SEZ6L2: variants seen among roughly 807,000 people sequenced by gnomAD.
SEZ6L2 encodes the protein seizure 6-like protein 2.
In SEZ6L2, 44 loss-of-function variants were observed where a neutral mutation model predicts 97.0. The ratio of observed to expected loss-of-function variants is 0.45; its 90% CI spans 0.36 to 0.58. The LOEUF is 0.58. SEZ6L2 is among the 20% of genes least tolerant of loss of function. The probability of loss-of-function intolerance (pLI) is 0.00; values close to 1 mark genes in which losing one functional copy is unlikely to be tolerated. For missense variants in SEZ6L2, 1,086 were observed against 1,233.3 expected, an observed-to-expected ratio of 0.88 and a Z score of 1.79; for synonymous variants, 543 against 546.1, an observed-to-expected ratio of 0.99 and a Z score of 0.08.
intron 8 of SEZ6L2, among the ~76,000 whole-genome samples, chr16:29,882,738 C>T (rs1023432370): frequency 6.6e-6 from 1 of 152,092 alleles, no homozygotes; most frequent in Non-Finnish European, 1.5e-5. Flanking sequence ...CAAGTGTGCA[C>T]CACCACACCT....
At position 29,898,025 on chromosome 16, in the gene SEZ6L2, C is replaced by T. The variant is rs372297362; in HGVS notation, c.80-41G>A. 2.4e-5 allele frequency: 39 copies of T among 1,608,696 alleles called. No individual in the cohort carries two copies. In the African/African-American group the frequency reaches 4.4e-4, roughly 18 times the overall value. On this transcript the variant is annotated intron_variant, in intron 1 of 17. Transcript: ENST00000617533. Reference sequence around the variant, plus strand: ...GTGTGAGCTTCTCCACTTCCCCACACCCCTTCCTTCTCCAGAGAGATATTT... The same window carrying T: ...GTGTGAGCTTCTCCACTTCCCCACATCCCTTCCTTCTCCAGAGAGATATTT...
intron 5 of SEZ6L2, 103 bp from the exon 6 acceptor site, chr16:29,888,828 G>A: frequency 1.9e-6 from 2 of 1,039,816 alleles, no homozygotes; most frequent in African/African-American, 3.2e-5. Flanking sequence ...CAACCTTCCA[G>A]GGGCACACAC....
At chr16:29,895,560 A>T (rs2068367358) in intron 4 of SEZ6L2, 100 bp from the exon 5 acceptor site, 1 of 1,427,860 alleles carries the variant, frequency 7.0e-7, no homozygotes, top group Admixed American at 2.1e-5. Flanking sequence ...GCAGCCCAAA[A>T]GGCACCACGC....
chr16:29,891,052 C>T (rs918636450), intron 5 of SEZ6L2, among the ~76,000 whole-genome samples: 18 of 152,038 alleles, frequency 1.2e-4, no homozygotes, highest in African/African-American at 2.9e-4. Context: ...AGCAATTCTC[C>T]GGCCTCAGCC....
rs756893489 is a variant in SEZ6L2, at chr16:29,872,400, G to A, written c.2645+9C>T. The stretch of plus-strand genomic sequence containing the variant: ...GCCCTGGCCGGCAGTCCCCAAGCAG[G>A]CTACTTACTTGGTGTAGTAGATGTA... On this transcript the variant is annotated intron_variant, in intron 16 of 17. Coordinates refer to ENST00000617533, the MANE Select transcript of SEZ6L2 (RefSeq NM_001243332.2). 5 of 1,613,000 alleles carry A rather than the reference G, an allele frequency of 3.1e-6. No individual in the cohort carries two copies. The highest frequency in any genetic ancestry group is 2.2e-5 in the East Asian group (1 of 44,886).
At position 29,873,419 on chromosome 16, in the gene SEZ6L2, G is replaced by A. The variant is rs764328367; in HGVS notation, c.2309C>T (p.Pro770Leu). 1.3e-5 allele frequency: 21 copies of A among 1,614,238 alleles called. No homozygotes were observed. The Admixed American group carries it at 1.8e-4, about 14-fold the overall frequency. Residue 770 changes from proline to leucine, a missense_variant, in exon 14 of 18, where the codon CCG (proline) becomes CTG (leucine). Pro to Leu is a moderately conservative substitution (Grantham distance 98). Transcript: ENST00000617533. The surrounding 1 kb of genome is among the most constrained non-coding windows in gnomAD (Gnocchi z 4.3). ...RVPKCALKYE[P>L]CLNPGVPENG... ...CTCGGGAACCCCCGGGTTCAGGCAC[G>A]GCTCGTACTTCACTGCGGGGAGCAT...
intron 1 of SEZ6L2, among the ~76,000 whole-genome samples, 195 bp from the exon 2 acceptor site, chr16:29,898,179 C>T (rs1015897543): frequency 3.3e-5 from 5 of 152,208 alleles, no homozygotes; most frequent in Non-Finnish European, 7.3e-5. Flanking sequence ...CACACCTCTT[C>T]TCTCCCCTCC....
chr16:29,872,745 T>C lies in SEZ6L2; in HGVS notation c.2489-2A>G, dbSNP rs747900991. On this transcript the variant is annotated splice_acceptor_variant, in intron 14 of 17. Transcript: ENST00000617533. LOFTEE classifies it high-confidence loss of function. ...TGTCCAGGAGCTCCTCATAGGCAAC[T>C]GCAGGGAGAGGAGGGGGAGGGGATG... 1 of 1,603,162 alleles carries C rather than the reference T, an allele frequency of 6.2e-7. No homozygotes were observed. The highest frequency in any genetic ancestry group is 1.1e-5 in the South Asian group (1 of 90,750).
Position 29,873,872 on chromosome 16 carries a change from T to C in SEZ6L2, c.2105-143A>G. On this transcript the variant is annotated intron_variant, in intron 12 of 17. Coordinates refer to ENST00000617533, the MANE Select transcript of SEZ6L2 (RefSeq NM_001243332.2). The surrounding 1 kb of genome is among the most constrained non-coding windows in gnomAD (Gnocchi z 4.3). ...TCCTGTGGTTCCAGCTACTCAGGAG[T>C]TGGAGGCGGGATGATCGCTCGAACC... 1 of 740,378 alleles carries C rather than the reference T, an allele frequency of 1.4e-6. No homozygotes were observed. The highest frequency in any genetic ancestry group is 2.1e-6 in the Non-Finnish European group (1 of 468,562). The allele number at this position is 740,378 out of a possible 1,614,324, so 45.9% of individuals were successfully genotyped here.
At chr16:29,897,818 C>T (rs1468789452) in intron 2 of SEZ6L2, 35 bp downstream of exon 2, 1 of 1,574,450 alleles carries the variant, frequency 6.4e-7, no homozygotes, top group Non-Finnish European at 8.6e-7. Context: ...CCTCCCTCTG[C>T]CTCTAGGCCA....
intron 9 of SEZ6L2, among the ~76,000 whole-genome samples, chr16:29,879,083 A>G (rs1401700952): frequency 6.7e-6 from 1 of 149,004 alleles, no homozygotes; most frequent in Non-Finnish European, 1.5e-5. Flanking sequence ...TTGTATTTTT[A>G]GTAGAGACGG....
chr16:29,875,747 C>T (rs537075142), intron 12 of SEZ6L2, among the ~76,000 whole-genome samples: 1 of 149,412 alleles, frequency 6.7e-6, no homozygotes, highest in South Asian at 2.1e-4. Flanking sequence ...ACTGCAACCT[C>T]CACCTCCCAG....
intron 5 of SEZ6L2, among the ~76,000 whole-genome samples, chr16:29,891,212 T>C (rs1165871570): frequency 6.6e-6 from 1 of 152,112 alleles, no homozygotes; most frequent in African/African-American, 2.4e-5. Context: ...AGTGCTGTGA[T>C]TACAGGCGTG....
At chr16:29,888,766 A>G (rs760418933) in intron 5 of SEZ6L2, 41 bp from the exon 6 acceptor site, 11 of 1,557,348 alleles carry the variant, frequency 7.1e-6, no homozygotes, top group Middle Eastern at 2.0e-4. Flanking sequence ...TCACTTTCCC[A>G]TGCCACCCTC....
rs1297317673 is a variant in SEZ6L2, at chr16:29,877,427, C to T, written c.1753G>A (p.Gly585Arg). Reference protein sequence around the residue: ...REGDMLTLFDGDGPSARVLAQ... With the variant: ...REGDMLTLFDRDGPSARVLAQ... Reference sequence around the variant, plus strand: ...AAGACTCGGGCGCTGGGACCGTCCCCGTCGAACAGCGTCAGCATGTCCCCT... The same window carrying T: ...AAGACTCGGGCGCTGGGACCGTCCCTGTCGAACAGCGTCAGCATGTCCCCT... The change falls in exon 11 of 18, where the codon GGG (glycine) becomes AGG (arginine). Residue 585 changes from glycine to arginine, a missense_variant. Coordinates refer to ENST00000617533, the MANE Select transcript of SEZ6L2 (RefSeq NM_001243332.2). 2 of 1,608,884 alleles carry T rather than the reference C, an allele frequency of 1.2e-6. No individual in the cohort carries two copies. Among genetic ancestry groups the T allele is most frequent in the Non-Finnish European group, 1.7e-6 (2 of 1,177,658 alleles).
chr16:29,895,370 A>G lies in SEZ6L2; in HGVS notation c.742T>C (p.Ser248Pro). The change falls in exon 5 of 18, where the codon TCA becomes CCA. Residue 248 changes from serine to proline, a missense_variant. Physicochemically the swap from Ser to Pro is moderately conservative, Grantham distance 74 (BLOSUM62 -1). Around this residue, in one of 2 missense-constraint regions of SEZ6L2, gnomAD observed 776 missense variants for 794.7 expected, o/e 0.98. Transcript: ENST00000617533. The part of the protein sequence containing the change: ...PGLAPRLLAN[S>P]SMLGEGQVLR... ...ACTTGTCCTTCTCCAAGCATGGATG[A>G]GTTGGCCAGGAGTCGGGGGGCCAGG... 1 of 1,614,026 alleles carries G rather than the reference A, an allele frequency of 6.2e-7. No individual in the cohort carries two copies. The highest frequency in any genetic ancestry group is 8.5e-7 in the Non-Finnish European group (1 of 1,179,984).
intron 12 of SEZ6L2, among the ~76,000 whole-genome samples, chr16:29,874,377 A>G (rs11644048): frequency 0.35 from 53,037 of 151,468 alleles, 10,561 homozygotes; most frequent in Middle Eastern, 0.59. Context: ...TGTCCCCAGT[A>G]TTCTCATTAT....
rs1379865223 is a variant in SEZ6L2, at chr16:29,879,909, C to T, written c.1528G>A (p.Asp510Asn). The change falls in exon 9 of 18, where the codon GAT becomes AAT. Residue 510 changes from aspartate (D) to asparagine (N), a missense_variant. Transcript: ENST00000617533. ...TCGTTCCAGTGGGGTTCTGTGGGATCCACACATTCGATGGCATTGGGGGGC... is the reference window on the plus strand; with the variant it reads ...TCGTTCCAGTGGGGTTCTGTGGGATTCACACATTCGATGGCATTGGGGGGC... ...PGPPNAIECV[D>N]PTEPHWNDTE... The T allele has an allele frequency of 2.5e-6, 4 of 1,613,432 alleles. No homozygotes were observed. Among genetic ancestry groups the T allele is most frequent in the Non-Finnish European group, 3.4e-6 (4 of 1,179,656 alleles).
At chr16:29,893,647 C>CAA (rs1313483790) in intron 5 of SEZ6L2, among the ~76,000 whole-genome samples, 79 of 80,820 alleles carry the variant, frequency 9.8e-4, no homozygotes, top group East Asian at 3.5e-3. Flanking sequence ...GACTCTGTCT[C>CAA]AAAAAAAAAA....
Sources: allele counts gnomAD v4.1 joint callset (sites outside exome capture counted in the v4.1 genomes callset), GRCh38; gene constraint gnomAD v4.1.1; regional missense constraint gnomAD v4.1.1; non-coding constraint Gnocchi (gnomAD v3.1); transcripts MANE v1.5; gene names NCBI Gene and HGNC (gene_info 2026-07-23, HGNC 2026-07-21).